Variants in RASEF observed in about 807,000 individuals in gnomAD.
The protein encoded by RASEF is ras and EF-hand domain-containing protein.
A neutral mutation model predicts 90.1 loss-of-function variants in RASEF; 68 were observed. The ratio of observed to expected loss-of-function variants is 0.75; its 90% CI spans 0.62 to 0.92. The LOEUF (loss-of-function observed/expected upper bound fraction) is 0.92. RASEF is among the 40% of genes least tolerant of loss of function. The probability of loss-of-function intolerance (pLI) is 0.00; values close to 1 mark genes in which losing one functional copy is unlikely to be tolerated. For missense variants in RASEF, 949 were observed against 937.2 expected, an observed-to-expected ratio of 1.01 and a Z score of -0.16; for synonymous variants, 331 against 345.2, an observed-to-expected ratio of 0.96 and a Z score of 0.46.
At chr9:83,194,240 T>G in the RASEF span, among the ~76,000 whole-genome samples, 2 of 152,336 alleles carry the variant, frequency 1.3e-5, no homozygotes, top group African/African-American at 2.4e-5. Context: ...TTAGTCTTCA[T>G]GTCTTCTTAG....
chr9:83,170,369 C>T, the RASEF span, among the ~76,000 whole-genome samples: 62 of 151,844 alleles, frequency 4.1e-4, no homozygotes, highest in African/African-American at 1.2e-3. Context: ...ATGCCTCCAG[C>T]TTTGTTTTTA....
the RASEF span, among the ~76,000 whole-genome samples, chr9:83,077,226 A>G: frequency 6.6e-6 from 1 of 152,156 alleles, no homozygotes; most frequent in Non-Finnish European, 1.5e-5. Flanking sequence ...TAAAAGAGAC[A>G]TGAGTGGGCA....
At chr9:83,063,935 C>T (rs1288239039), upstream of RASEF, among the ~76,000 whole-genome samples, 1 of 152,190 alleles carries the variant, frequency 6.6e-6, no homozygotes, top group Non-Finnish European at 1.5e-5. Context: ...GTCTGTCATA[C>T]GGCTTATGTA....
chr9:83,049,528 CCTTT>C (rs993581822), intron 1 of RASEF, among the ~76,000 whole-genome samples: 11 of 73,520 alleles, frequency 1.5e-4, no homozygotes, highest in Admixed American at 3.8e-4. Context: ...TTTCTGCCTT[CCTTT>C]TTTTTTTTTT....
chr9:83,189,056 C>T, the RASEF span, among the ~76,000 whole-genome samples: 2 of 152,186 alleles, frequency 1.3e-5, no homozygotes, highest in Admixed American at 1.3e-4. Context: ...ATCTTTGTCA[C>T]CAGCTGATAC....
intron 1 of RASEF, chr9:83,048,462 T>C (rs1829972829): frequency 4.1e-6 from 4 of 985,274 alleles, no homozygotes; most frequent in Non-Finnish European, 3.6e-6. Context: ...GCCAAGCAAC[T>C]TGGACTTTTG....
chr9:83,124,913 A>G, the RASEF span, among the ~76,000 whole-genome samples: 1 of 152,122 alleles, frequency 6.6e-6, no homozygotes, highest in Non-Finnish European at 1.5e-5. Flanking sequence ...CCATTAGCAA[A>G]ACCTGGAACC....
chr9:83,197,574 G>A, the RASEF span, among the ~76,000 whole-genome samples: 19 of 152,122 alleles, frequency 1.2e-4, no homozygotes, highest in African/African-American at 4.6e-4. Flanking sequence ...CCATGGTTCT[G>A]TAATAAGAAA....
At chr9:83,006,404 A>G (rs1413444579) in intron 7 of RASEF, among the ~76,000 whole-genome samples, 1 of 152,246 alleles carries the variant, frequency 6.6e-6, no homozygotes, top group Non-Finnish European at 1.5e-5. Flanking sequence ...AGGTGCTGAC[A>G]AATCTGTTGA....
At chr9:83,076,428 TAAGA>T in the RASEF span, among the ~76,000 whole-genome samples, 2 of 103,612 alleles carry the variant, frequency 1.9e-5, no homozygotes, top group Admixed American at 9.0e-5. Flanking sequence ...AAGGTCTAGT[TAAGA>T]AAAAAAAAAA....
intron 12 of RASEF, 32 bp downstream of exon 12, chr9:83,000,137 T>C: frequency 6.2e-7 from 1 of 1,601,168 alleles, no homozygotes; most frequent in Non-Finnish European, 8.5e-7. Context: ...GGAAGGTCAT[T>C]TTCCCATTAT....
intron 1 of RASEF, among the ~76,000 whole-genome samples, chr9:83,058,794 T>C (rs979650285): frequency 1.3e-5 from 2 of 152,336 alleles, no homozygotes; most frequent in East Asian, 3.9e-4. Context: ...CTCTATACAA[T>C]TCACATATGG....
chr9:83,137,229 G>C, the RASEF span, among the ~76,000 whole-genome samples: 1 of 152,114 alleles, frequency 6.6e-6, no homozygotes, highest in East Asian at 1.9e-4. Flanking sequence ...GTATTCTCCA[G>C]TCTGTGGTAT....
the RASEF span, among the ~76,000 whole-genome samples, chr9:83,089,888 TAGATGATA>T: frequency 7.1e-6 from 1 of 140,410 alleles, no homozygotes. Flanking sequence ...ACTTTATAGA[TAGATGATA>T]GATAGATAGA....
At chr9:82,992,165 T>C (rs1828828204) in intron 15 of RASEF, among the ~76,000 whole-genome samples, 1 of 151,740 alleles carries the variant, frequency 6.6e-6, no homozygotes, top group African/African-American at 2.4e-5. Context: ...AGTAGTCCTT[T>C]CCTGGTGCTG....
the RASEF span, among the ~76,000 whole-genome samples, chr9:83,119,812 T>C: frequency 1.3e-5 from 2 of 152,224 alleles, no homozygotes; most frequent in Non-Finnish European, 1.5e-5. Context: ...TCATGAGATC[T>C]GATAGTAGCT....
the RASEF span, among the ~76,000 whole-genome samples, chr9:83,124,806 A>G: frequency 6.6e-6 from 1 of 152,188 alleles, no homozygotes; most frequent in Non-Finnish European, 1.5e-5. Context: ...CAACAGATCT[A>G]ACAGTCTCAG....
the RASEF span, among the ~76,000 whole-genome samples, chr9:83,148,169 T>C: frequency 6.6e-6 from 1 of 152,152 alleles, no homozygotes; most frequent in African/African-American, 2.4e-5. Context: ...GCCTCCTATC[T>C]GTATCAGTGT....
At chr9:82,984,311 T>C (rs774465230) in intron 16 of RASEF, among the ~76,000 whole-genome samples, 14 of 152,206 alleles carry the variant, frequency 9.2e-5, no homozygotes, top group African/African-American at 3.1e-4. Flanking sequence ...CCAGTCTATA[T>C]TGAATGCATA....
Sources: gnomAD v4.1 joint callset for allele counts (sites outside exome capture counted in the v4.1 genomes callset) on GRCh38, gnomAD v4.1.1 for gene constraint, MANE v1.5 for transcripts, NCBI Gene and HGNC (gene_info 2026-07-23, HGNC 2026-07-21) for gene names.